Variants in SLC6A13 observed in about 807,000 individuals in gnomAD.
SLC6A13 encodes the protein solute carrier family 6 member 13.
A neutral mutation model predicts 72.9 loss-of-function variants in SLC6A13; 69 were observed. The ratio of observed to expected loss-of-function variants is 0.95; its 90% confidence interval spans 0.78 to 1.16. The LOEUF (loss-of-function observed/expected upper bound fraction) is 1.16. Among genes scored for constraint, SLC6A13 ranks in the 50% most tolerant of loss-of-function variants. The probability of loss-of-function intolerance (pLI) is 0.00; values close to 1 mark genes in which losing one functional copy is unlikely to be tolerated. For missense variants in SLC6A13, 735 were observed against 760.5 expected (o/e 0.97, Z 0.39); for synonymous variants, 303 against 303.0 (o/e 1.00, Z 0.00).
intron 4 of SLC6A13, among the ~76,000 whole-genome samples, chr12:239,613 A>G (rs556462825): frequency 1.3e-5 from 2 of 152,280 alleles, no homozygotes; most frequent in East Asian, 3.9e-4. Context: ...CTAAGCAGAC[A>G]CTTCTTATTC....
chr12:227,582 G>T lies in SLC6A13; in HGVS notation c.918C>A (p.Tyr306Ter). Residue 306 changes from tyrosine (Y) to a stop codon, truncating the protein, a stop_gained, in exon 8 of 15, where the codon TAC (tyrosine) becomes TAA (stop). Coordinates refer to ENST00000343164, the MANE Select transcript of SLC6A13 (RefSeq NM_016615.5). LOFTEE classifies it high-confidence loss of function. ...CCAATCACCTGTAGCAGTTGTTGTG[G>T]TACTTGTTGTAGCTGCCCAGGGCTG... ...CLTALGSYNK[Y>*]HNNCYRDCIA... 1 of 1,614,034 alleles carries T rather than the reference G, an allele frequency of 6.2e-7. No homozygotes were observed. The highest frequency in any genetic ancestry group is 2.2e-5 in the East Asian group (1 of 44,890).
Position 222,655 on chromosome 12 carries a change from G to A in SLC6A13, c.1415-23C>T, listed in dbSNP as rs763765850. 7.9e-6 allele frequency: 12 copies of A among 1,509,976 alleles called. 1 individual carries two copies. The highest frequency in any genetic ancestry group is 1.7e-4 in the Middle Eastern group (1 of 5,884). The allele number at this position is 1,509,976 out of a possible 1,614,324, so 93.5% of individuals were successfully genotyped here. A position where few individuals can be genotyped will look rare whatever the true frequency, so the allele number is the denominator to read the frequency against. ...CTCCTACCATGGAGAAAAGAAGAAGGAAGGAGGAGAAAGTCATTCTTTGGC... is the reference window on the plus strand; with the variant it reads ...CTCCTACCATGGAGAAAAGAAGAAGAAAGGAGGAGAAAGTCATTCTTTGGC... On this transcript the variant is annotated intron_variant, in intron 12 of 14. Transcript: ENST00000343164.
intron 7 of SLC6A13, among the ~76,000 whole-genome samples, chr12:230,778 G>A (rs1473495967): frequency 6.6e-6 from 1 of 152,158 alleles, no homozygotes; most frequent in Non-Finnish European, 1.5e-5. Flanking sequence ...CGTAAGATGA[G>A]GCTGACCCCA....
intron 2 of SLC6A13, among the ~76,000 whole-genome samples, chr12:246,132 A>AAAATAAATGAATAAATAAATAAAT (rs374765064): frequency 0.18 from 26,075 of 146,852 alleles, 2,434 homozygotes; most frequent in Middle Eastern, 0.25. Context: ...AATAAAAGTA[A>AAAATAAATGAATAAATAAATAAAT]AAATAAATAA....
chr12:227,651 G>A lies in SLC6A13; in HGVS notation c.849C>T (p.Gly283=), dbSNP rs765615516. ...LWDPQVWMDA[G]TQIFFSFAIC... ...TGGCGAAGGAGAAGAATATCTGGGT[G>A]CCTGCATCCATCCACACCTACAAAG... is the stretch of plus-strand genomic sequence containing the variant. The change falls in exon 8 of 15, where the codon GGC becomes GGT. Residue 283 remains glycine, a synonymous_variant. Transcript: ENST00000343164. 6.2e-7 allele frequency: 1 copy of A among 1,610,648 alleles called. No individual in the cohort carries two copies. The highest frequency in any genetic ancestry group is 1.1e-5 in the South Asian group (1 of 90,554).
rs1349714708 is a variant in SLC6A13 at position 224,548 on chromosome 12, C to T, written c.1061-35G>A. 3 of 1,562,492 alleles carry T rather than the reference C, an allele frequency of 1.9e-6. No individual in the cohort carries two copies. The South Asian group carries it at 3.3e-5, about 17-fold the overall frequency. ...GGAGCAGAGGAACACGGGCCAGTGCCCGGGCCAGCTCCAGGCTGTGGGTGA... is the reference window on the plus strand; with the variant it reads ...GGAGCAGAGGAACACGGGCCAGTGCTCGGGCCAGCTCCAGGCTGTGGGTGA... On this transcript the variant is annotated intron_variant, in intron 9 of 14. Transcript: ENST00000343164.
At chr12:237,877 C>G in intron 5 of SLC6A13, 49 bp downstream of exon 5, 1 of 1,383,314 alleles carries the variant, frequency 7.2e-7, no homozygotes. Context: ...TCCCCATACC[C>G]TTCTTCTGAA....
chr12:240,671 T>G (rs1942132226), intron 4 of SLC6A13, among the ~76,000 whole-genome samples: 2 of 152,112 alleles, frequency 1.3e-5, no homozygotes, highest in African/African-American at 4.8e-5. Context: ...AACAAACAGA[T>G]GAAAAGTGAG....
intron 4 of SLC6A13, 30 bp from the exon 5 acceptor site, chr12:238,040 G>C (rs1409197202): frequency 1.2e-6 from 2 of 1,604,694 alleles, no homozygotes; most frequent in Non-Finnish European, 1.7e-6. Flanking sequence ...AGGGAAAAAA[G>C]AGAAAAATCA....
intron 4 of SLC6A13, among the ~76,000 whole-genome samples, chr12:240,214 T>A (rs1942114364): frequency 6.6e-6 from 1 of 152,114 alleles, no homozygotes; most frequent in Non-Finnish European, 1.5e-5. Context: ...TAAAACAGAT[T>A]TTTTTTGGAG....
chr12:223,198 C>CAT lies in SLC6A13; in HGVS notation c.1346_1347dup (p.Ala450MetfsTer35). On this transcript the variant is annotated frameshift_variant, in exon 12 of 15. Coordinates refer to ENST00000343164, the MANE Select transcript of SLC6A13 (RefSeq NM_016615.5). LOFTEE classifies it high-confidence loss of function. ...AACAGGAGGCACATGCCACTGGCCG[C>CAT]ATAGTAGTCAAAGAGCTGGAACACG... 6.2e-7 allele frequency: 1 copy of CAT among 1,613,714 alleles called. No individual in the cohort carries two copies. Among genetic ancestry groups the CAT allele is most frequent in the East Asian group, 2.2e-5 (1 of 44,868 alleles).
rs779600289 is a variant in SLC6A13 at position 227,561 on chromosome 12, T to C, written c.935+4A>G. 5.0e-6 allele frequency: 8 copies of C among 1,613,814 alleles called. No homozygotes were observed. Among genetic ancestry groups the C allele is most frequent in the Non-Finnish European group, 6.8e-6 (8 of 1,179,896 alleles). On this transcript the variant is annotated splice_donor_region_variant and intron_variant, in intron 8 of 14. Coordinates refer to ENST00000343164, the MANE Select transcript of SLC6A13 (RefSeq NM_016615.5). ...TGTGGCTCAGGCCCCACGCCCCCAA[T>C]CACCTGTAGCAGTTGTTGTGGTACT...
At chr12:233,310 G>T (rs1421972363) in intron 7 of SLC6A13, among the ~76,000 whole-genome samples, 1 of 152,192 alleles carries the variant, frequency 6.6e-6, no homozygotes, top group African/African-American at 2.4e-5. Flanking sequence ...CCAGCTTTCA[G>T]ATGGCTGCCA....
chr12:248,586 T>A (rs189786832), intron 2 of SLC6A13, among the ~76,000 whole-genome samples: 1 of 152,262 alleles, frequency 6.6e-6, no homozygotes, highest in East Asian at 1.9e-4. Flanking sequence ...AATCAGTATT[T>A]CAAGTGCATA....
intron 2 of SLC6A13, chr12:256,538 C>T (rs566849004): frequency 3.3e-5 from 5 of 152,216 alleles, no homozygotes; most frequent in African/African-American, 9.7e-5. Flanking sequence ...TTCTCAGCTT[C>T]CCTGCCTTTT....
In SLC6A13 at chr12:235,181, A is replaced by C. The variant is rs778383976; in HGVS notation, c.740T>G (p.Val247Gly). Residue 247 changes from valine to glycine, a missense_variant, in exon 7 of 15, where the codon GTC becomes GGC. Physicochemically the swap from Val to Gly is moderately radical, Grantham distance 109. Coordinates refer to ENST00000343164, the MANE Select transcript of SLC6A13 (RefSeq NM_016615.5). ...CAACGTCACCCCTCGAATTAACAGG[A>C]CCACCAGCATGAGGTAAGGAAATGT... Reference protein sequence around the residue: ...TATFPYLMLVVLLIRGVTLPG... With the variant: ...TATFPYLMLVGLLIRGVTLPG... 1 of 1,614,198 alleles carries C rather than the reference A, an allele frequency of 6.2e-7. No homozygotes were observed. Among genetic ancestry groups the C allele is most frequent in the Non-Finnish European group, 8.5e-7 (1 of 1,180,024 alleles).
chr12:235,247 C>T, intron 6 of SLC6A13, 23 bp from the exon 7 acceptor site: 1 of 1,613,992 alleles, frequency 6.2e-7, no homozygotes, highest in Non-Finnish European at 8.5e-7. Context: ...AAATGAGAGA[C>T]AAGGAGCTTG....
rs182480724 is a variant in SLC6A13, at chr12:224,018, G to T, written c.1285C>A (p.Leu429Ile). The T allele has an allele frequency of 4.2e-5, 68 of 1,613,052 alleles. No individual in the cohort carries two copies. The East Asian group carries it at 4.9e-4, about 12-fold the overall frequency. Residue 429 changes from leucine to isoleucine, a missense_variant, in exon 11 of 15, where the codon CTT (leucine) becomes ATT (isoleucine). Physicochemically the swap from Leu to Ile is conservative, Grantham distance 5. Coordinates refer to ENST00000343164, the MANE Select transcript of SLC6A13 (RefSeq NM_016615.5). ...LILGVSVVSF[L>I]VGLIMLTEGG... ...TCTGTGAGCATGATCAGCCCCACAA[G>T]GAAGGAGACGACAGATACTCCAAGG...
intron 12 of SLC6A13, among the ~76,000 whole-genome samples, 171 bp from the exon 13 acceptor site, chr12:222,803 C>T (rs1328515760): frequency 1.3e-5 from 2 of 152,130 alleles, no homozygotes; most frequent in African/African-American, 2.4e-5. Context: ...CATTCATAGG[C>T]ATAAACAGCA....
Sources: gnomAD v4.1 joint callset for allele counts (sites outside exome capture counted in the v4.1 genomes callset) on GRCh38, gnomAD v4.1.1 for gene constraint, MANE v1.5 for transcripts, NCBI Gene and HGNC (gene_info 2026-07-23, HGNC 2026-07-21) for gene names.